The following DMC1 variants were observed in gnomAD, a reference collection of about 807,000 sequenced individuals.
The protein encoded by DMC1 is DNA meiotic recombinase 1, also known as meiotic recombination protein DMC1 homolog.
DMC1 carries 27 observed loss-of-function variants against 50.1 expected under a neutral mutation model. That is an observed-to-expected ratio of 0.54 (90% CI 0.40 to 0.74). The LOEUF is 0.74. Among genes scored for constraint, DMC1 ranks in the 30% least tolerant of loss-of-function variants. The pLI is 0.00. For synonymous variants in DMC1, 148 were observed against 136.1 expected (o/e 1.09, Z -0.61); for missense variants, 295 against 420.2 (o/e 0.70, Z 2.60).
intron 12 of DMC1, among the ~76,000 whole-genome samples, chr22:38,524,938 G>T (rs185356098): frequency 3.9e-5 from 6 of 152,220 alleles, no homozygotes; most frequent in Admixed American, 6.5e-5. Context: ...GCACATGCCC[G>T]TAATCCCAGC....
chr22:38,540,531 G>A (rs2090269119), intron 8 of DMC1, among the ~76,000 whole-genome samples: 1 of 152,154 alleles, frequency 6.6e-6, no homozygotes, highest in African/African-American at 2.4e-5. Flanking sequence ...AAAATTAAAT[G>A]CATGTTTGTA....
chr22:38,534,164 A>C (rs1376962281), intron 12 of DMC1, among the ~76,000 whole-genome samples: 1 of 152,194 alleles, frequency 6.6e-6, no homozygotes, highest in Non-Finnish European at 1.5e-5. Context: ...GCAAAACAAA[A>C]AAACCCCCAA....
chr22:38,555,665 A>T (rs1049631652), intron 5 of DMC1, among the ~76,000 whole-genome samples: 3 of 152,104 alleles, frequency 2.0e-5, no homozygotes, highest in Non-Finnish European at 2.9e-5. Flanking sequence ...TCTTACTTCA[A>T]TAGTAAATGG....
At chr22:38,555,290 A>G (rs2090458045) in intron 6 of DMC1, 67 bp downstream of exon 6, 6 of 1,005,460 alleles carry the variant, frequency 6.0e-6, no homozygotes, top group Non-Finnish European at 9.4e-6. Flanking sequence ...ATGTGTATGT[A>G]TACACATAGA....
chr22:38,543,711 C>T (rs2090311834), intron 8 of DMC1, among the ~76,000 whole-genome samples: 1 of 152,180 alleles, frequency 6.6e-6, no homozygotes, highest in Non-Finnish European at 1.5e-5. Context: ...TAGTTTACAT[C>T]TGTTCCCCTG....
At chr22:38,516,894 C>T (rs528037256), downstream of DMC1, among the ~76,000 whole-genome samples, 5 of 152,270 alleles carry the variant, frequency 3.3e-5, no homozygotes, top group African/African-American at 1.2e-4. Flanking sequence ...GGTGCCATCA[C>T]GGCTCATTGC....
At chr22:38,556,748 A>G (rs575915968) in intron 5 of DMC1, among the ~76,000 whole-genome samples, 1 of 152,316 alleles carries the variant, frequency 6.6e-6, no homozygotes, top group East Asian at 1.9e-4. Context: ...GTCTATTAAC[A>G]TGATTTTTTG....
chr22:38,517,683 C>T (rs974881381), downstream of DMC1, among the ~76,000 whole-genome samples: 1 of 152,216 alleles, frequency 6.6e-6, no homozygotes, highest in Non-Finnish European at 1.5e-5. Flanking sequence ...GCCTTCCTTT[C>T]CCTAGGACAA....
At chr22:38,564,279 T>G (rs1444442493) in intron 4 of DMC1, among the ~76,000 whole-genome samples, 1 of 152,210 alleles carries the variant, frequency 6.6e-6, no homozygotes, top group African/African-American at 2.4e-5. Context: ...AAGCCCAGAC[T>G]GGGCAACATA....
At chr22:38,513,426 A>C in the DMC1 span, among the ~76,000 whole-genome samples, 5 of 152,256 alleles carry the variant, frequency 3.3e-5, no homozygotes, top group Non-Finnish European at 7.3e-5. Context: ...CTGTGCAACC[A>C]GAAAATGTGA....
downstream of DMC1, among the ~76,000 whole-genome samples, chr22:38,516,382 T>G (rs183053247): frequency 1.3e-3 from 198 of 152,234 alleles, 4 homozygotes; most frequent in Non-Finnish European, 1.2e-4. Flanking sequence ...AAATTGTCCT[T>G]CGTCAGGGGT....
intron 12 of DMC1, among the ~76,000 whole-genome samples, chr22:38,537,118 T>C (rs1261024950): frequency 1.3e-5 from 2 of 152,108 alleles, no homozygotes. Flanking sequence ...TCCCAAAGTG[T>C]TGGGATTACA....
downstream of DMC1, among the ~76,000 whole-genome samples, chr22:38,514,191 C>A (rs1360691185): frequency 6.7e-6 from 1 of 148,256 alleles, no homozygotes; most frequent in Admixed American, 6.7e-5. Flanking sequence ...TGAATAGTGG[C>A]TGGGTAAAAT....
At chr22:38,552,362 A>G (rs1259943577) in intron 7 of DMC1, among the ~76,000 whole-genome samples, 3 of 152,230 alleles carry the variant, frequency 2.0e-5, no homozygotes, top group Non-Finnish European at 4.4e-5. Flanking sequence ...TCTTCTAAAA[A>G]AGATATAGAA....
the DMC1 span, among the ~76,000 whole-genome samples, chr22:38,510,455 T>G: frequency 1.3e-5 from 2 of 152,196 alleles, no homozygotes; most frequent in Non-Finnish European, 2.9e-5. Context: ...ACTCTGTGTC[T>G]AAAAAGACAG....
chr22:38,509,168 CTTTTA>C, the DMC1 span, among the ~76,000 whole-genome samples: 8 of 152,178 alleles, frequency 5.3e-5, no homozygotes, highest in South Asian at 2.1e-4. Context: ...TTGTCATCAA[CTTTTA>C]TTTTAATTCT....
intron 6 of DMC1, among the ~76,000 whole-genome samples, chr22:38,553,521 G>T (rs1047430539): frequency 7.0e-6 from 1 of 143,622 alleles, no homozygotes. Context: ...AAAAAAGAAA[G>T]TTTAAGACCC....
intron 10 of DMC1, 21 bp downstream of exon 10, chr22:38,538,518 G>A: frequency 1.2e-6 from 2 of 1,612,040 alleles, no homozygotes; most frequent in Non-Finnish European, 1.7e-6. Context: ...CTCTGTGAAA[G>A]CAATATTTAA....
At chr22:38,545,585 C>T (rs2090334557) in intron 8 of DMC1, among the ~76,000 whole-genome samples, 2 of 152,098 alleles carry the variant, frequency 1.3e-5, no homozygotes, top group African/African-American at 4.8e-5. Context: ...CTGCGCCTGG[C>T]TAATTTTTTG....
Sources: allele counts gnomAD v4.1 joint callset (sites outside exome capture counted in the v4.1 genomes callset), GRCh38; gene constraint gnomAD v4.1.1; transcripts MANE v1.5; gene names NCBI Gene and HGNC (gene_info 2026-07-23, HGNC 2026-07-21).